Variants in ASPH observed in about 807,000 individuals in gnomAD.
ASPH encodes aspartate beta-hydroxylase, also known as aspartyl/asparaginyl beta-hydroxylase.
ASPH carries 100 observed loss-of-function variants against 118.4 expected under a neutral mutation model. The observed-to-expected ratio is 0.84, with a 90% CI of 0.72 to 1.00. The LOEUF is 1.00. Among genes scored for constraint, ASPH ranks in the 50% least tolerant of loss-of-function variants. The pLI, the probability that ASPH is intolerant of heterozygous loss-of-function variation, is 0.00. For synonymous variants in ASPH, 315 were observed against 325.6 expected (o/e 0.97, Z 0.35); for missense variants, 920 against 919.5 (o/e 1.00, Z -0.01).
chr8:61,608,995 T>A (rs1356879918), intron 14 of ASPH, among the ~76,000 whole-genome samples: 2 of 152,140 alleles, frequency 1.3e-5, no homozygotes, highest in East Asian at 3.9e-4. Flanking sequence ...TTTGGGTGCA[T>A]CACTGGTTTC....
intron 3 of ASPH, among the ~76,000 whole-genome samples, chr8:61,672,329 C>T (rs1822983083): frequency 6.6e-6 from 1 of 151,782 alleles, no homozygotes; most frequent in African/African-American, 2.4e-5. Flanking sequence ...AACTGAAAGA[C>T]TAAATAAGCA....
At chr8:61,625,557 T>C (rs1367386760) in intron 13 of ASPH, 2 of 985,036 alleles carry the variant, frequency 2.0e-6, no homozygotes, top group South Asian at 4.7e-5. Flanking sequence ...CCATTCTTTT[T>C]CCTTGTGTCT....
At chr8:61,701,314 T>G (rs555331114) in intron 1 of ASPH, among the ~76,000 whole-genome samples, 2 of 152,238 alleles carry the variant, frequency 1.3e-5, no homozygotes, top group African/African-American at 4.8e-5. Flanking sequence ...TCAAGTTTAC[T>G]CCAAATCAGT....
At chr8:61,548,696 C>G (rs1824784889) in intron 20 of ASPH, among the ~76,000 whole-genome samples, 1 of 152,138 alleles carries the variant, frequency 6.6e-6, no homozygotes, top group Non-Finnish European at 1.5e-5. Context: ...AAGAAGGTCA[C>G]ACCAAGGCGT....
At chr8:61,637,539 A>C (rs1445651909) in intron 12 of ASPH, among the ~76,000 whole-genome samples, 3 of 152,144 alleles carry the variant, frequency 2.0e-5, no homozygotes, top group Non-Finnish European at 4.4e-5. Flanking sequence ...ACCACCAAAA[A>C]AAAAAAAATT....
intron 21 of ASPH, among the ~76,000 whole-genome samples, chr8:61,539,134 G>T (rs1191341897): frequency 1.3e-5 from 2 of 152,130 alleles, no homozygotes; most frequent in Non-Finnish European, 2.9e-5. Context: ...CCAGCCACTT[G>T]GGAGGTAGAG....
intron 10 of ASPH, among the ~76,000 whole-genome samples, chr8:61,640,224 C>T (rs1036936754): frequency 2.6e-5 from 4 of 152,126 alleles, no homozygotes; most frequent in African/African-American, 7.2e-5. Flanking sequence ...ATGTGATGCA[C>T]GGAAAGACCC....
In ASPH at chr8:61,642,873, A is replaced by C. The variant is rs778250888; in HGVS notation, c.790+15T>G. 2.0e-5 allele frequency: 31 copies of C among 1,544,650 alleles called. No homozygotes were observed. The Admixed American group carries it at 4.9e-4, about 24-fold the overall frequency. ...AAAAAAAAAGAAAAAAAAAAAAAAG[A>C]AAGCATTTGCAAACCTTGTTCCTCA... On this transcript the variant is annotated intron_variant, in intron 10 of 24. Transcript: ENST00000379454.
At position 61,714,519 on chromosome 8, in the gene ASPH, C is replaced by T; in HGVS notation, c.-148G>A. The T allele has an allele frequency of 2.6e-6, 3 of 1,173,542 alleles. No individual in the cohort carries two copies. The highest frequency in any genetic ancestry group is 3.3e-6 in the Non-Finnish European group (3 of 910,530). 72.7% of individuals were successfully genotyped at this position (1,173,542 alleles called of 1,614,324 possible). A position where few individuals can be genotyped will look rare whatever the true frequency, so the allele number is the denominator to read the frequency against. On this transcript the variant is annotated 5_prime_UTR_variant, in exon 1 of 25. Transcript: ENST00000379454. The stretch of plus-strand genomic sequence containing the variant: ...CAGCAGACCCTGTGCCTCAGCACCG[C>T]CTGCAGCACCTGGGAAGACTTCACC...
chr8:61,502,057 G>C lies in ASPH; in HGVS notation c.*1302C>G, dbSNP rs1023978169. 1.3e-5 allele frequency: 2 copies of C among 152,150 alleles called. No homozygotes were observed. Among genetic ancestry groups the C allele is most frequent in the African/African-American group, 4.8e-5 (2 of 41,450 alleles). 9.4% of individuals were successfully genotyped at this position (152,150 alleles called of 1,614,324 possible). On this transcript the variant is annotated 3_prime_UTR_variant, in exon 25 of 25. Coordinates refer to ENST00000379454, the MANE Select transcript of ASPH (RefSeq NM_004318.4). The stretch of plus-strand genomic sequence containing the variant: ...TCAAAATATACAAAATCTGATACAT[G>C]AATACTTTGCTAGATTAATGACTTG...
intron 1 of ASPH, among the ~76,000 whole-genome samples, chr8:61,688,573 T>C (rs1831491611): frequency 6.6e-6 from 1 of 152,216 alleles, no homozygotes; most frequent in Non-Finnish European, 1.5e-5. Context: ...AGATCATTTA[T>C]AAGTTTTAGT....
At chr8:61,594,009 G>A (rs1054442189) in intron 14 of ASPH, among the ~76,000 whole-genome samples, 5 of 152,138 alleles carry the variant, frequency 3.3e-5, no homozygotes, top group Admixed American at 6.5e-5. Flanking sequence ...ACTCAGCAGC[G>A]GATACAAGCT....
rs1806596229 is a variant in ASPH at position 61,644,002 on chromosome 8, C to A, written c.653-1G>T. ...ATATCCTGATTACAGTCTTGTGAAA[C>A]TATAAATTATGGAATAATTAGGAAA... is the stretch of plus-strand genomic sequence containing the variant. On this transcript the variant is annotated splice_acceptor_variant, in intron 7 of 24. Transcript: ENST00000379454. LOFTEE classifies it high-confidence loss of function. 6.2e-7 allele frequency: 1 copy of A among 1,605,884 alleles called. No homozygotes were observed.
chr8:61,583,535 T>G, intron 15 of ASPH: 1 of 97,338 alleles, frequency 1.0e-5, no homozygotes, highest in Non-Finnish European at 2.0e-5. Flanking sequence ...GGGTGGAGGC[T>G]CTGTCCAAAA....
At chr8:61,570,711 TC>T (rs1484547211) in intron 16 of ASPH, among the ~76,000 whole-genome samples, 1 of 152,216 alleles carries the variant, frequency 6.6e-6, no homozygotes, top group Non-Finnish European at 1.5e-5. Flanking sequence ...CAGTGTAGCA[TC>T]TGTAGATAAA....
intron 1 of ASPH, among the ~76,000 whole-genome samples, chr8:61,709,129 G>A (rs1837460363): frequency 6.6e-6 from 1 of 152,086 alleles, no homozygotes; most frequent in Non-Finnish European, 1.5e-5. Flanking sequence ...CAATTTGATA[G>A]GAACTGAATT....
intron 13 of ASPH, chr8:61,624,163 A>G (rs1343167878): frequency 1.1e-6 from 1 of 870,100 alleles, no homozygotes; most frequent in African/African-American, 1.8e-5. Context: ...CATTTTCTAT[A>G]TCTGTATCGA....
At chr8:61,563,465 T>C (rs1830648903) in intron 17 of ASPH, among the ~76,000 whole-genome samples, 2 of 152,098 alleles carry the variant, frequency 1.3e-5, no homozygotes, top group Admixed American at 6.5e-5. Flanking sequence ...TTTGCACGCA[T>C]GAATCATGAA....
intron 12 of ASPH, among the ~76,000 whole-genome samples, chr8:61,634,909 A>G (rs1857091639): frequency 6.6e-6 from 1 of 152,228 alleles, no homozygotes; most frequent in Admixed American, 6.5e-5. Flanking sequence ...AATTTATTAC[A>G]AAAAATATAC....
Sources: allele counts gnomAD v4.1 joint callset (sites outside exome capture counted in the v4.1 genomes callset), GRCh38; gene constraint gnomAD v4.1.1; transcripts MANE v1.5; gene names NCBI Gene and HGNC (gene_info 2026-07-23, HGNC 2026-07-21).